PECAM1: variants seen among roughly 807,000 people sequenced by gnomAD.
The protein encoded by PECAM1 is platelet and endothelial cell adhesion molecule 1, also known as platelet endothelial cell adhesion molecule.
Under a neutral mutation model 13.8 loss-of-function variants are expected in PECAM1, and 8 were observed. That is an observed-to-expected ratio of 0.58 (90% CI 0.34 to 1.05). The LOEUF (loss-of-function observed/expected upper bound fraction) is 1.05. PECAM1 is among the 50% of genes least tolerant of loss of function. The probability of loss-of-function intolerance (pLI) is 0.03; values close to 1 mark genes in which losing one functional copy is unlikely to be tolerated. For synonymous variants in PECAM1, 136 were observed against 52.6 expected, an observed-to-expected ratio of 2.58 and a Z score of -6.86; for missense variants, 304 against 141.2, an observed-to-expected ratio of 2.15 and a Z score of -5.84.
intron 2 of PECAM1, among the ~76,000 whole-genome samples, chr17:64,382,107 A>AC (rs142716469): frequency 0.088 from 13,396 of 151,880 alleles, 1,969 homozygotes; most frequent in African/African-American, 0.31. Context: ...TCTCAAAAAA[A>AC]CCTTTTTTTC....
intron 7 of PECAM1, among the ~76,000 whole-genome samples, chr17:64,359,129 C>A (rs1439922566): frequency 6.6e-6 from 1 of 152,116 alleles, no homozygotes; most frequent in African/African-American, 2.4e-5. Context: ...GGTATGGCTA[C>A]TATTAGACTA....
chr17:64,342,447 G>A (rs8080825), intron 13 of PECAM1, among the ~76,000 whole-genome samples: 130,480 of 152,220 alleles, frequency 0.86, 59,639 homozygotes, highest in East Asian at 1. Flanking sequence ...GATCCAGAAC[G>A]AGATCCTGAG....
intron 11 of PECAM1, 59 bp from the exon 12 acceptor site, chr17:64,350,492 T>C (rs1259906475): frequency 1.2e-5 from 5 of 412,182 alleles, no homozygotes; most frequent in Non-Finnish European, 1.8e-5. Flanking sequence ...TTCTAAAACC[T>C]TTTAAAAATT....
At chr17:64,334,799 G>A (rs1004304682) in intron 14 of PECAM1, among the ~76,000 whole-genome samples, 1 of 151,942 alleles carries the variant, frequency 6.6e-6, no homozygotes, top group East Asian at 1.9e-4. Context: ...GAGCCACTGC[G>A]CACGGCCCTG....
intron 15 of PECAM1, among the ~76,000 whole-genome samples, chr17:64,329,311 C>T (rs1182939908): frequency 2.0e-5 from 3 of 152,064 alleles, no homozygotes; most frequent in Non-Finnish European, 1.5e-5. Flanking sequence ...CAGCTGATGG[C>T]CTGGTGTGTA....
In PECAM1 at chr17:64,353,492, T is replaced by G. The variant is rs1240173140; in HGVS notation, c.1915A>C (p.Arg639=). The stretch of plus-strand genomic sequence containing the variant: ...CCCCCTTCTTACAAATACACTCACC[T>G]GGACATTTCCACTGGCATCTGCTTG... ...KAKQMPVEMS[R]PAVPLLNSNN... The change falls in exon 10 of 16, where the codon AGG becomes CGG. Residue 639 remains arginine, a splice_region_variant and synonymous_variant. Transcript: ENST00000563924. 4.2e-6 allele frequency: 2 copies of G among 471,194 alleles called. No homozygotes were observed. Among genetic ancestry groups the G allele is most frequent in the African/African-American group, 4.0e-5 (2 of 50,412 alleles). The allele number at this position is 471,194 out of a possible 1,614,324, so 29.2% of individuals were successfully genotyped here.
chr17:64,347,726 T>TTATA (rs1225163933), intron 13 of PECAM1, among the ~76,000 whole-genome samples: 5,702 of 140,714 alleles, frequency 0.041, 404 homozygotes, highest in African/African-American at 0.15. Flanking sequence ...ATTATATATT[T>TTATA]TATATATATA....
At chr17:64,323,953 G>T (rs782066321) in intron 15 of PECAM1, 108 bp from the exon 16 acceptor site, 1 of 789,878 alleles carries the variant, frequency 1.3e-6, no homozygotes, top group Non-Finnish European at 2.3e-6. Flanking sequence ...AAAATGCAAA[G>T]CAGGGCTGTC....
chr17:64,335,038 C>T (rs1298868701), intron 14 of PECAM1, among the ~76,000 whole-genome samples: 1 of 152,124 alleles, frequency 6.6e-6, no homozygotes, highest in African/African-American at 2.4e-5. Flanking sequence ...GTGACGGCAG[C>T]AGCTGCGTGT....
intron 14 of PECAM1, among the ~76,000 whole-genome samples, chr17:64,332,374 C>T (rs536374596): frequency 6.6e-6 from 1 of 152,210 alleles, no homozygotes; most frequent in South Asian, 2.1e-4. Context: ...TCTTTCCCAA[C>T]AGCGAAAGAA....
chr17:64,347,121 C>A (rs1308543245), intron 13 of PECAM1, among the ~76,000 whole-genome samples: 1 of 152,154 alleles, frequency 6.6e-6, no homozygotes. Context: ...GTAATCCCAG[C>A]ACTTTGGGAG....
At chr17:64,334,851 T>C (rs2035230888) in intron 14 of PECAM1, among the ~76,000 whole-genome samples, 2 of 152,146 alleles carry the variant, frequency 1.3e-5, no homozygotes, top group East Asian at 3.9e-4. Flanking sequence ...CCACCTTCCC[T>C]CTAATAAGCA....
chr17:64,332,795 G>T (rs1395037030), intron 14 of PECAM1, among the ~76,000 whole-genome samples: 2 of 152,232 alleles, frequency 1.3e-5, no homozygotes, highest in Non-Finnish European at 2.9e-5. Flanking sequence ...AGGGGATGCG[G>T]TGAGGACCAG....
chr17:64,322,093 G>A lies in PECAM1; in HGVS notation c.*1723C>T. The stretch of plus-strand genomic sequence containing the variant: ...CATATTGTCAAAAGAGTCTAGGCTG[G>A]GCATGGTGGCTCACGCCTGCAATCC... On this transcript the variant is annotated 3_prime_UTR_variant, in exon 16 of 16. Coordinates refer to ENST00000563924, the MANE Select transcript of PECAM1 (RefSeq NM_000442.5). 1.8e-6 allele frequency: 2 copies of A among 1,108,602 alleles called. No homozygotes were observed. Among genetic ancestry groups the A allele is most frequent in the Non-Finnish European group, 2.2e-6 (2 of 892,508 alleles). The allele number at this position is 1,108,602 out of a possible 1,614,324, so 68.7% of individuals were successfully genotyped here.
At chr17:64,346,357 G>A (rs1327072764) in intron 13 of PECAM1, among the ~76,000 whole-genome samples, 1 of 151,976 alleles carries the variant, frequency 6.6e-6, no homozygotes, top group Non-Finnish European at 1.5e-5. Flanking sequence ...TTTTTTTTTA[G>A]ACGGAGTCTT....
Position 64,322,459 on chromosome 17 carries a change from C to T in PECAM1, c.*1357G>A. The T allele has an allele frequency of 5.1e-6, 5 of 985,622 alleles. No homozygotes were observed. Among genetic ancestry groups the T allele is most frequent in the Non-Finnish European group, 6.0e-6 (5 of 830,062 alleles). The allele number at this position is 985,622 out of a possible 1,614,324, so 61.1% of individuals were successfully genotyped here. On this transcript the variant is annotated 3_prime_UTR_variant, in exon 16 of 16. Transcript: ENST00000563924. ...TCAGAGGCCCAAGGAGTCCTCAGCA[C>T]TATAGATGCATGTGGCCCCTCAGAA...
chr17:64,345,925 T>G (rs1219206770), intron 13 of PECAM1, among the ~76,000 whole-genome samples: 1 of 152,080 alleles, frequency 6.6e-6, no homozygotes, highest in Non-Finnish European at 1.5e-5. Context: ...AGGAAAGTTC[T>G]GTGCATACAG....
rs980286008 is a variant in PECAM1, at chr17:64,355,116, T to C, written c.1781-76A>G. 5 of 433,582 alleles carry C rather than the reference T, an allele frequency of 1.2e-5. No homozygotes were observed. The East Asian group carries it at 1.3e-4, about 12-fold the overall frequency. 26.9% of individuals were successfully genotyped at this position (433,582 alleles called of 1,614,324 possible). On this transcript the variant is annotated intron_variant, in intron 8 of 15. Coordinates refer to ENST00000563924, the MANE Select transcript of PECAM1 (RefSeq NM_000442.5). The stretch of plus-strand genomic sequence containing the variant: ...TGCCAGGAAGAAATAATATCAGGCT[T>C]AAGCAACAAAAGTCAGTCTGATTCT...
At chr17:64,381,896 T>A (rs1022736393) in intron 2 of PECAM1, among the ~76,000 whole-genome samples, 11 of 151,062 alleles carry the variant, frequency 7.3e-5, no homozygotes, top group African/African-American at 2.7e-4. Flanking sequence ...AGGTCAGGAG[T>A]TCAAGACCAG....
Sources: gnomAD v4.1 joint callset for allele counts (sites outside exome capture counted in the v4.1 genomes callset) on GRCh38, gnomAD v4.1.1 for gene constraint, MANE v1.5 for transcripts, NCBI Gene and HGNC (gene_info 2026-07-23, HGNC 2026-07-21) for gene names.